GAPVD1: variants seen among roughly 807,000 people sequenced by gnomAD.
GAPVD1 encodes the protein GTPase activating protein and VPS9 domains 1, also known as GTPase-activating protein and VPS9 domain-containing protein 1.
A neutral mutation model predicts 155.5 loss-of-function variants in GAPVD1; 35 were observed. That is an observed-to-expected ratio of 0.23 (90% CI 0.17 to 0.30). GAPVD1 has a LOEUF of 0.30. GAPVD1 is among the 10% of genes least tolerant of loss of function. The pLI, the probability that GAPVD1 is intolerant of heterozygous loss-of-function variation, is 1.00. For missense variants in GAPVD1, 1,429 were observed against 1,775.7 expected (o/e 0.80, Z 3.51); for synonymous variants, 636 against 619.7 (o/e 1.03, Z -0.39).
chr9:125,308,688 C>A (rs372433691), intron 8 of GAPVD1: 1 of 152,156 alleles, frequency 6.6e-6, no homozygotes, highest in East Asian at 1.9e-4. Flanking sequence ...AATGTTGTTT[C>A]ATTTAATCCC....
At position 125,307,712 on chromosome 9, in the gene GAPVD1, A is replaced by C. The variant is rs762098313; in HGVS notation, c.1273A>C (p.Met425Leu). Residue 425 changes from methionine (M) to leucine (L), a missense_variant, in exon 8 of 28, where the codon ATG becomes CTG. This residue lies in a region of GAPVD1 where 628 missense variants were observed against 733.4 expected (regional missense o/e 0.86). Transcript: ENST00000297933. ...CCAGGTGAATTTTATGAAGAGTGTG[A>C]TGTCTGGAGATCAACTGAGAGAAGA... ...ITLVNFMKSV[M>L]SGDQLREDRM... 6.2e-7 allele frequency: 1 copy of C among 1,613,910 alleles called. No homozygotes were observed. Among genetic ancestry groups the C allele is most frequent in the South Asian group, 1.1e-5 (1 of 91,076 alleles).
intron 8 of GAPVD1, chr9:125,309,182 T>G (rs1312997485): frequency 5.9e-5 from 9 of 152,196 alleles, no homozygotes; most frequent in Non-Finnish European, 1.2e-4. Flanking sequence ...TTAATCTACC[T>G]TATATTTAAC....
At chr9:125,354,503 T>C (rs1465402726) in intron 23 of GAPVD1, 151 bp from the exon 24 acceptor site, 2 of 529,234 alleles carry the variant, frequency 3.8e-6, no homozygotes, top group African/African-American at 1.9e-5. Context: ...CATGCTACTT[T>C]GTATATGTGC....
Position 125,349,378 on chromosome 9 carries a change from G to T in GAPVD1, c.3170-12G>T. Reference sequence around the variant, plus strand: ...CCTGGGTATCCGTTTCTTGGGGGTGGGTTTTGTTTAGAGGTTATGGGTGAT... The same window carrying T: ...CCTGGGTATCCGTTTCTTGGGGGTGTGTTTTGTTTAGAGGTTATGGGTGAT... On this transcript the variant is annotated splice_polypyrimidine_tract_variant and intron_variant, in intron 20 of 27. Coordinates refer to ENST00000297933, the MANE Select transcript of GAPVD1 (RefSeq NM_001282680.3). 1 of 1,605,632 alleles carries T rather than the reference G, an allele frequency of 6.2e-7. No homozygotes were observed. The highest frequency in any genetic ancestry group is 1.1e-5 in the South Asian group (1 of 90,174).
At chr9:125,349,283 T>C (rs959007170) in intron 20 of GAPVD1, 107 bp from the exon 21 acceptor site, 3 of 895,892 alleles carry the variant, frequency 3.3e-6, no homozygotes, top group African/African-American at 1.7e-5. Context: ...AGAACTCTTA[T>C]TATTAGTCAA....
chr9:125,356,698 G>T (rs1235800068), intron 25 of GAPVD1, among the ~76,000 whole-genome samples: 1 of 152,092 alleles, frequency 6.6e-6, no homozygotes, highest in Non-Finnish European at 1.5e-5. Flanking sequence ...TTTAGACAGA[G>T]TGTCACTCTG....
intron 13 of GAPVD1, among the ~76,000 whole-genome samples, chr9:125,330,986 A>ATTT (rs35123950): frequency 6.7e-6 from 1 of 150,218 alleles, no homozygotes; most frequent in African/African-American, 2.4e-5. Flanking sequence ...AATCCTGAGG[A>ATTT]TTTTTTTTTT....
rs1430762409 is a variant in GAPVD1, at chr9:125,298,938, T to C, written c.17T>C (p.Ile6Thr). 4 of 1,604,594 alleles carry C rather than the reference T, an allele frequency of 2.5e-6. No homozygotes were observed. The East Asian group carries it at 8.9e-5, about 36-fold the overall frequency. The change falls in exon 4 of 28, where the codon ATT (isoleucine) becomes ACT (threonine). Residue 6 changes from isoleucine to threonine, a missense_variant. By Grantham distance (89) the Ile-to-Thr change is moderately conservative. This residue lies in a region of GAPVD1 where 628 missense variants were observed against 733.4 expected (regional missense o/e 0.86). Transcript: ENST00000297933. ...ACATTGAAGATGGTGAAACTAGATA[T>C]TCATACTCTGGCTCATCACCTCAAG... Reference protein sequence around the residue: MVKLDIHTLAHHLKQE... With the variant: MVKLDTHTLAHHLKQE...
chr9:125,265,023 T>TA (rs1479569565), intron 1 of GAPVD1, among the ~76,000 whole-genome samples: 1 of 152,162 alleles, frequency 6.6e-6, no homozygotes, highest in Non-Finnish European at 1.5e-5. Flanking sequence ...CTGGCCATCT[T>TA]ACATTTTTTA....
intron 17 of GAPVD1, among the ~76,000 whole-genome samples, chr9:125,338,929 T>TGTGTG (rs1847426483): frequency 6.8e-6 from 1 of 146,622 alleles, no homozygotes; most frequent in African/African-American, 2.5e-5. Context: ...TTAAAAAAAT[T>TGTGTG]TGTGTGTGTG....
Position 125,362,787 on chromosome 9 carries a change from A to T in GAPVD1, c.*41A>T. ...ACCAAGGCAGCAGACTGTTAATCAG[A>T]CAAACAGATCTCTGAGAAGGTGCAT... On this transcript the variant is annotated 3_prime_UTR_variant, in exon 28 of 28. Coordinates refer to ENST00000297933, the MANE Select transcript of GAPVD1 (RefSeq NM_001282680.3). The T allele has an allele frequency of 6.3e-7, 1 of 1,591,974 alleles. No homozygotes were observed. Among genetic ancestry groups the T allele is most frequent in the Non-Finnish European group, 8.6e-7 (1 of 1,165,598 alleles).
intron 2 of GAPVD1, among the ~76,000 whole-genome samples, chr9:125,279,300 A>G (rs544542444): frequency 1.5e-4 from 23 of 151,322 alleles, no homozygotes; most frequent in South Asian, 6.3e-4. Flanking sequence ...GCCGGCCGCA[A>G]TGGCTCACGC....
intron 2 of GAPVD1, among the ~76,000 whole-genome samples, chr9:125,271,555 A>T (rs1426665804): frequency 4.0e-5 from 6 of 151,558 alleles, no homozygotes; most frequent in African/African-American, 1.5e-4. Context: ...TTATTTTTTT[A>T]TTTTTTATTT....
rs1842253338 is a variant in GAPVD1 at position 125,308,840 on chromosome 9, C to G, written c.1441+960C>G. 2 of 152,126 alleles carry G rather than the reference C, an allele frequency of 1.3e-5. 1 individual carries two copies. The highest frequency in any genetic ancestry group is 4.2e-4 in the South Asian group (2 of 4,804). 9.4% of individuals were successfully genotyped at this position (152,126 alleles called of 1,614,324 possible). ...AGGGAGAGCAAGAAGAGACTAGTAC[C>G]CTTCAGCATACTAAGCGTTCTGAGG... is the stretch of plus-strand genomic sequence containing the variant. On this transcript the variant is annotated intron_variant, in intron 8 of 27. Coordinates refer to ENST00000297933, the MANE Select transcript of GAPVD1 (RefSeq NM_001282680.3).
intron 3 of GAPVD1, among the ~76,000 whole-genome samples, chr9:125,298,521 G>A (rs1028368029): frequency 4.3e-5 from 3 of 69,484 alleles, no homozygotes; most frequent in African/African-American, 5.9e-5. Context: ...AACGATTCTT[G>A]CTCTGTTATC....
chr9:125,282,797 G>A (rs1265579929), intron 2 of GAPVD1, among the ~76,000 whole-genome samples: 2 of 152,096 alleles, frequency 1.3e-5, no homozygotes, highest in Non-Finnish European at 2.9e-5. Context: ...CACAAGTCAC[G>A]TTGCCAATAG....
intron 2 of GAPVD1, 29 bp from the exon 3 acceptor site, chr9:125,295,429 C>CTTTTTT (rs35877971): frequency 9.5e-6 from 1 of 105,258 alleles, no homozygotes; most frequent in African/African-American, 3.7e-5. Flanking sequence ...TTTCCTCAAT[C>CTTTTTT]TTTTTTTTTT....
intron 5 of GAPVD1, chr9:125,303,896 T>C (rs1356216279): frequency 6.6e-6 from 1 of 152,192 alleles, no homozygotes; most frequent in Non-Finnish European, 1.5e-5. Flanking sequence ...TAACTTTTTT[T>C]AATGTTTATA....
chr9:125,308,959 TTG>T (rs537806285), intron 8 of GAPVD1: 83 of 152,306 alleles, frequency 5.4e-4, no homozygotes, highest in African/African-American at 1.9e-3. Flanking sequence ...TGTTTGCACT[TTG>T]TGATGAATGG....
Sources: gnomAD v4.1 joint callset for allele counts (sites outside exome capture counted in the v4.1 genomes callset) on GRCh38, gnomAD v4.1.1 for gene constraint, gnomAD v4.1.1 regional missense constraint, MANE v1.5 for transcripts, NCBI Gene and HGNC (gene_info 2026-07-23, HGNC 2026-07-21) for gene names.